SMYD3: variants seen among roughly 807,000 people sequenced by gnomAD.
SMYD3 encodes the protein SET and MYND domain containing 3, also known as histone-lysine N-methyltransferase SMYD3.
In SMYD3, 36 loss-of-function variants were observed where a neutral mutation model predicts 57.7. The ratio of observed to expected loss-of-function variants is 0.62; its 90% CI spans 0.48 to 0.82. The LOEUF is 0.82. Ranked by LOEUF, SMYD3 falls within the 40% of genes least tolerant of loss-of-function variation. SMYD3 has a pLI of 0.00. For synonymous variants in SMYD3, 211 were observed against 195.0 expected, an observed-to-expected ratio of 1.08 and a Z score of -0.68; for missense variants, 515 against 538.8, an observed-to-expected ratio of 0.96 and a Z score of 0.44.
intron 1 of SMYD3, among the ~76,000 whole-genome samples, chr1:246,497,461 G>C (rs866022785): frequency 6.6e-6 from 1 of 152,158 alleles, no homozygotes; most frequent in South Asian, 2.1e-4. Flanking sequence ...TTGCCTTTCT[G>C]AAAAATATTT....
chr1:245,812,823 T>C (rs1428688622), intron 10 of SMYD3, among the ~76,000 whole-genome samples: 1 of 151,872 alleles, frequency 6.6e-6, no homozygotes, highest in Non-Finnish European at 1.5e-5. Context: ...GGCTTCATCA[T>C]TTATCAGGAT....
chr1:246,273,144 T>C (rs1241563470), intron 5 of SMYD3, among the ~76,000 whole-genome samples: 1 of 128,870 alleles, frequency 7.8e-6, no homozygotes, highest in Non-Finnish European at 1.6e-5. Flanking sequence ...TCTTTTTTTT[T>C]TTTTTTTTCT....
chr1:246,434,855 G>A (rs554827739), intron 1 of SMYD3, among the ~76,000 whole-genome samples: 1 of 152,264 alleles, frequency 6.6e-6, no homozygotes, highest in South Asian at 2.1e-4. Context: ...GTATATGTTT[G>A]TTGCAGCACT....
chr1:246,296,222 T>C (rs1197646), intron 5 of SMYD3, among the ~76,000 whole-genome samples: 69,585 of 151,926 alleles, frequency 0.46, 16,867 homozygotes, highest in East Asian at 0.82. Flanking sequence ...GAAAATCACA[T>C]GGATTTTCTC....
In SMYD3 at chr1:246,287,467, C is replaced by T. The variant is rs556375723; in HGVS notation, c.531+39734G>A. Among the ~76,000 whole-genome samples, 21 of 152,276 alleles carry T rather than the reference C, an allele frequency of 1.4e-4. 1 individual carries two copies. Among genetic ancestry groups the T allele is most frequent in the African/African-American group, 4.6e-4 (19 of 41,554 alleles). On this transcript the variant is annotated intron_variant, in intron 5 of 11. Coordinates refer to ENST00000490107, the MANE Select transcript of SMYD3 (RefSeq NM_001167740.2). ...TAAGTTAGGACTCCAGAAGAACTTA[C>T]CGCTATGTCCAAACTGGGTTGGAGG...
intron 11 of SMYD3, among the ~76,000 whole-genome samples, chr1:245,751,323 A>G (rs2148000912): frequency 6.6e-6 from 1 of 152,296 alleles, no homozygotes; most frequent in South Asian, 2.1e-4. Flanking sequence ...ATGTGGTGAG[A>G]CGCCTGCATT....
At chr1:246,271,246 G>A (rs1482843948) in intron 5 of SMYD3, among the ~76,000 whole-genome samples, 1 of 151,866 alleles carries the variant, frequency 6.6e-6, no homozygotes, top group African/African-American at 2.4e-5. Flanking sequence ...CCATACTCTG[G>A]GTTACCTTTT....
At chr1:246,252,300 G>T (rs2063810756) in intron 5 of SMYD3, among the ~76,000 whole-genome samples, 1 of 151,990 alleles carries the variant, frequency 6.6e-6, no homozygotes, top group Non-Finnish European at 1.5e-5. Flanking sequence ...CTGTGCCCAC[G>T]TACTCTGAAT....
rs1032525151 is a variant in SMYD3 at position 246,259,543 on chromosome 1, G to C, written c.531+67658C>G. ...TTTGTTTCTACCAGTTCTTCTGGTA[G>C]GTTTTGTATCAGGCTGTGCAGTTCA... On this transcript the variant is annotated intron_variant, in intron 5 of 11. Transcript: ENST00000490107. Among the ~76,000 whole-genome samples, 3 of 152,118 alleles carry C rather than the reference G, an allele frequency of 2.0e-5. No homozygotes were observed. The East Asian group carries it at 5.8e-4, about 29-fold the overall frequency.
chr1:245,835,374 TC>T (rs1168658952), intron 10 of SMYD3, among the ~76,000 whole-genome samples: 3 of 152,064 alleles, frequency 2.0e-5, no homozygotes, highest in African/African-American at 7.2e-5. Context: ...CACCTCAGCC[TC>T]CCAAAGTGCT....
intron 8 of SMYD3, among the ~76,000 whole-genome samples, chr1:245,904,426 A>G (rs2148623216): frequency 6.6e-6 from 1 of 152,352 alleles, no homozygotes; most frequent in African/African-American, 2.4e-5. Flanking sequence ...GTGTGAAAAC[A>G]GACTCATACA....
chr1:245,858,460 C>G, intron 10 of SMYD3, 36 bp downstream of exon 10: 1 of 1,594,792 alleles, frequency 6.3e-7, no homozygotes. Flanking sequence ...GTGAAGACGT[C>G]CTAGCCCTTA....
intron 5 of SMYD3, among the ~76,000 whole-genome samples, chr1:245,947,976 T>G (rs1054637353): frequency 6.6e-6 from 1 of 152,272 alleles, no homozygotes; most frequent in Non-Finnish European, 1.5e-5. Context: ...TCAGAGGAGA[T>G]TCACGCCTCT....
At position 246,100,996 on chromosome 1, in the gene SMYD3, C is replaced by G. The variant is rs533126800; in HGVS notation, c.532-171059G>C. 3.3e-5 allele frequency among the ~76,000 whole-genome samples: 5 copies of G among 149,944 alleles called. 1 individual carries two copies. Among genetic ancestry groups the G allele is most frequent in the African/African-American group, 1.2e-4 (5 of 40,982 alleles). ...AGAAATGATCAAGTTTCAGTATCTT[C>G]CAGAAACTAGATAAATCGTCATAGC... On this transcript the variant is annotated intron_variant, in intron 5 of 11. Coordinates refer to ENST00000490107, the MANE Select transcript of SMYD3 (RefSeq NM_001167740.2).
intron 5 of SMYD3, among the ~76,000 whole-genome samples, chr1:246,269,303 C>A (rs1421697895): frequency 6.6e-6 from 1 of 152,148 alleles, no homozygotes; most frequent in African/African-American, 2.4e-5. Context: ...AATTGAACGG[C>A]TTCTAAGTTA....
intron 5 of SMYD3, among the ~76,000 whole-genome samples, chr1:246,162,273 G>A (rs1382285191): frequency 1.3e-5 from 2 of 152,164 alleles, no homozygotes; most frequent in East Asian, 1.9e-4. Flanking sequence ...TCTAGAACTA[G>A]GTTAAGCTAA....
intron 5 of SMYD3, among the ~76,000 whole-genome samples, chr1:246,165,211 G>A (rs116797657): frequency 1.3e-5 from 2 of 152,158 alleles, no homozygotes; most frequent in South Asian, 2.1e-4. Context: ...GGACCTGAAC[G>A]CCAGACTACA....
chr1:246,147,845 G>A (rs78825830), intron 5 of SMYD3, among the ~76,000 whole-genome samples: 2,212 of 152,168 alleles, frequency 0.015, 52 homozygotes, highest in African/African-American at 0.051. Flanking sequence ...TTGGTGGAGC[G>A]TGAACTCCGC....
At chr1:246,362,347 A>G in intron 1 of SMYD3, among the ~76,000 whole-genome samples, 1 of 149,194 alleles carries the variant, frequency 6.7e-6, no homozygotes, top group East Asian at 2.0e-4. Context: ...TGCTTTAACT[A>G]TCTCCCCCAA....
Sources: allele counts gnomAD v4.1 joint callset (sites outside exome capture counted in the v4.1 genomes callset), GRCh38; gene constraint gnomAD v4.1.1; transcripts MANE v1.5; gene names NCBI Gene and HGNC (gene_info 2026-07-23, HGNC 2026-07-21).